NDUFS1: variants seen among roughly 807,000 people sequenced by gnomAD.
NDUFS1 encodes NADH-ubiquinone oxidoreductase 75 kDa subunit, mitochondrial.
In NDUFS1, 61 loss-of-function variants were observed where a neutral mutation model predicts 84.4. The observed-to-expected ratio is 0.72, with a 90% CI of 0.59 to 0.89. NDUFS1 has a LOEUF of 0.89. Among genes scored for constraint, NDUFS1 ranks in the 40% least tolerant of loss-of-function variants. The pLI is 0.00. For missense variants in NDUFS1, 891 were observed against 890.0 expected, an observed-to-expected ratio of 1.00 and a Z score of -0.01; for synonymous variants, 275 against 290.0, an observed-to-expected ratio of 0.95 and a Z score of 0.53.
intron 18 of NDUFS1, 88 bp from the exon 19 acceptor site, chr2:206,124,364 GA>G: frequency 3.0e-6 from 3 of 1,000,326 alleles, no homozygotes; most frequent in South Asian, 1.3e-5. Context: ...TATTCAGGAG[GA>G]AAAAAGATTA....
At chr2:206,138,368 A>G in intron 13 of NDUFS1, 117 bp downstream of exon 13, 1 of 1,202,308 alleles carries the variant, frequency 8.3e-7, no homozygotes, top group South Asian at 1.3e-5. Flanking sequence ...GGCGTGAGCC[A>G]CCGCGCCCAA....
At chr2:206,149,733 G>A (rs893498716) in intron 4 of NDUFS1, 85 bp downstream of exon 4, 33 of 961,618 alleles carry the variant, frequency 3.4e-5, no homozygotes, top group East Asian at 2.1e-4. Context: ...TCTCCACTAC[G>A]ATATTGATTC....
At chr2:206,138,879 G>A (rs1292360387) in intron 12 of NDUFS1, among the ~76,000 whole-genome samples, 2 of 152,298 alleles carry the variant, frequency 1.3e-5, no homozygotes, top group Non-Finnish European at 1.5e-5. Flanking sequence ...CACTTTAGGA[G>A]GCTAAGGCAG....
chr2:206,129,127 C>T (rs1265377515), intron 15 of NDUFS1, among the ~76,000 whole-genome samples: 1 of 151,922 alleles, frequency 6.6e-6, no homozygotes, highest in East Asian at 1.9e-4. Context: ...GTAAGAAAAT[C>T]GTAGAATAAT....
chr2:206,146,980 C>T lies in NDUFS1; in HGVS notation c.660G>A (p.Gly220=), dbSNP rs573119343. 11 of 1,614,080 alleles carry T rather than the reference C, an allele frequency of 6.8e-6. No individual in the cohort carries two copies. The highest frequency in any genetic ancestry group is 2.2e-5 in the East Asian group (1 of 44,866). Residue 220 remains glycine, a synonymous_variant, in exon 8 of 19, where the codon GGG becomes GGA. Coordinates refer to ENST00000233190, the MANE Select transcript of NDUFS1 (RefSeq NM_005006.7). ...CTACAGGGCAGATATCAATGATATT[C>T]CCAGACAGTTCAGACATGAACATCT... The part of the protein sequence containing the change: ...IEKMFMSELS[G]NIIDICPVGA...
chr2:206,145,742 C>A (rs911494813), intron 8 of NDUFS1, among the ~76,000 whole-genome samples: 1 of 152,172 alleles, frequency 6.6e-6, no homozygotes, highest in Non-Finnish European at 1.5e-5. Flanking sequence ...CTCTCCACCC[C>A]CTCAAAATGG....
intron 15 of NDUFS1, among the ~76,000 whole-genome samples, chr2:206,129,365 T>C (rs144464641): frequency 0.026 from 3,930 of 152,112 alleles, 83 homozygotes; most frequent in South Asian, 0.043. Context: ...TGAACTCAAG[T>C]GATCCTCCCA....
rs73067838 is a variant in NDUFS1 at position 206,148,867 on chromosome 2, A to G, written c.338+153T>C. Among the ~76,000 whole-genome samples the G allele has an allele frequency of 8.7e-3, 1,331 of 152,338 alleles. 16 individuals are homozygous for G. The highest frequency in any genetic ancestry group is 0.03 in the African/African-American group (1,264 of 41,566). ...AACTCCTGACTTCACCTTCTCTACTATGTAGTACTCACTTCTATTGCTCCT... is the reference window on the plus strand; with the variant it reads ...AACTCCTGACTTCACCTTCTCTACTGTGTAGTACTCACTTCTATTGCTCCT... On this transcript the variant is annotated intron_variant, in intron 5 of 18. Coordinates refer to ENST00000233190, the MANE Select transcript of NDUFS1 (RefSeq NM_005006.7).
chr2:206,125,655 T>TAAA (rs552664197), intron 18 of NDUFS1, among the ~76,000 whole-genome samples: 64 of 149,126 alleles, frequency 4.3e-4, no homozygotes, highest in African/African-American at 1.5e-3. Context: ...TTTCTTTTTT[T>TAAA]AAAAAAAAAA....
intron 1 of NDUFS1, among the ~76,000 whole-genome samples, 153 bp from the exon 2 acceptor site, chr2:206,153,835 C>G (rs1465502995): frequency 6.6e-6 from 1 of 152,148 alleles, no homozygotes; most frequent in African/African-American, 2.4e-5. Context: ...GATGAGAATT[C>G]TCAGTCTCAG....
intron 12 of NDUFS1, among the ~76,000 whole-genome samples, chr2:206,140,910 T>C (rs973587964): frequency 5.4e-5 from 7 of 128,856 alleles, no homozygotes; most frequent in Non-Finnish European, 6.6e-5. Context: ...CACACACATA[T>C]ATATGTAGTG....
rs1575929637 is a variant in NDUFS1, at chr2:206,115,926, T to A, written c.*8259A>T. ...AGGATGTTGTGAAAAAGACACATAT[T>A]ATGTTTATCTACAATCATTAGAAAG... On this transcript the variant is annotated 3_prime_UTR_variant, in exon 19 of 19. Transcript: ENST00000233190. 7.8e-6 allele frequency: 5 copies of A among 637,488 alleles called. No individual in the cohort carries two copies. The highest frequency in any genetic ancestry group is 1.8e-5 in the African/African-American group (1 of 54,826). The allele number at this position is 637,488 out of a possible 1,614,324, so 39.5% of individuals were successfully genotyped here. A position where few individuals can be genotyped will look rare whatever the true frequency, so the allele number is the denominator to read the frequency against.
rs1024729135 is a variant in NDUFS1, at chr2:206,123,814, T to C, written c.*371A>G. The C allele has an allele frequency of 1.7e-5, 3 of 177,810 alleles. No homozygotes were observed. The highest frequency in any genetic ancestry group is 3.5e-5 in the Non-Finnish European group (3 of 84,678). The allele number at this position is 177,810 out of a possible 1,614,324, so 11.0% of individuals were successfully genotyped here. On this transcript the variant is annotated 3_prime_UTR_variant, in exon 19 of 19. Coordinates refer to ENST00000233190, the MANE Select transcript of NDUFS1 (RefSeq NM_005006.7). ...AGCTTGACAAGGTGCTTAAATCTTTTCTTTAGCACTAGAAAAAAGTAGGTT... is the reference window on the plus strand; with the variant it reads ...AGCTTGACAAGGTGCTTAAATCTTTCCTTTAGCACTAGAAAAAAGTAGGTT...
At position 206,138,551 on chromosome 2, in the gene NDUFS1, A is replaced by G. The variant is rs1575967815; in HGVS notation, c.1326T>C (p.Tyr442=). 6.2e-7 allele frequency: 1 copy of G among 1,613,964 alleles called. No individual in the cohort carries two copies. Among genetic ancestry groups the G allele is most frequent in the Non-Finnish European group, 8.5e-7 (1 of 1,179,800 alleles). ...IGSPVDLTYT[Y]DHLGDSPKIL... is the part of the protein sequence containing the mutation. ...TTTTGGGGGAGTCTCCCAGGTGGTC[A>G]TATGTGTAAGTGAGGTCCACTGGAC... is the stretch of plus-strand genomic sequence containing the variant. The change falls in exon 13 of 19, where the codon TAT becomes TAC. Residue 442 remains tyrosine (Y), a synonymous_variant. Transcript: ENST00000233190.
chr2:206,157,240 C>T (rs1165973419), intron 1 of NDUFS1, among the ~76,000 whole-genome samples: 2 of 152,160 alleles, frequency 1.3e-5, no homozygotes, highest in African/African-American at 2.4e-5. Flanking sequence ...CGTGAGTCAC[C>T]GCGCCTGGCA....
intron 12 of NDUFS1, 111 bp downstream of exon 12, chr2:206,141,830 T>C (rs1313445754): frequency 5.4e-6 from 5 of 923,974 alleles, no homozygotes; most frequent in Non-Finnish European, 8.2e-6. Context: ...CTTCCAGTTA[T>C]CTTTTGGAGT....
intron 2 of NDUFS1, among the ~76,000 whole-genome samples, 193 bp downstream of exon 2, chr2:206,153,425 G>A (rs1026298367): frequency 2.0e-5 from 3 of 151,736 alleles, no homozygotes; most frequent in African/African-American, 7.3e-5. Context: ...TGAATTCCTG[G>A]CTTCAAGCAA....
At chr2:206,135,304 G>A (rs1691665130) in intron 13 of NDUFS1, among the ~76,000 whole-genome samples, 1 of 152,136 alleles carries the variant, frequency 6.6e-6, no homozygotes, top group Non-Finnish European at 1.5e-5. Flanking sequence ...GGGATTACAG[G>A]TGTGAGCCAC....
rs950138995 is a variant in NDUFS1 at position 206,153,744 on chromosome 2, A to T, written c.-4-62T>A. 3.4e-6 allele frequency: 3 copies of T among 883,980 alleles called. No homozygotes were observed. In the African/African-American group the frequency reaches 5.1e-5, roughly 15 times the overall value. 54.8% of individuals were successfully genotyped at this position (883,980 alleles called of 1,614,324 possible). A position where few individuals can be genotyped will look rare whatever the true frequency, so the allele number is the denominator to read the frequency against. On this transcript the variant is annotated intron_variant, in intron 1 of 18. Coordinates refer to ENST00000233190, the MANE Select transcript of NDUFS1 (RefSeq NM_005006.7). The stretch of plus-strand genomic sequence containing the variant: ...AAAAAACAATCACCAACTGTTTGGT[A>T]ATGTTTTATGGCTTTAAATTATTTC...
Sources: allele counts gnomAD v4.1 joint callset (sites outside exome capture counted in the v4.1 genomes callset), GRCh38; gene constraint gnomAD v4.1.1; transcripts MANE v1.5; gene names NCBI Gene and HGNC (gene_info 2026-07-23, HGNC 2026-07-21).